The following TNNC2 variants were observed in gnomAD, a reference collection of about 807,000 sequenced individuals.
TNNC2 encodes the protein troponin C2, fast skeletal type, also known as troponin C, skeletal muscle.
Under a neutral mutation model 20.0 loss-of-function variants are expected in TNNC2, and 14 were observed. The observed-to-expected ratio is 0.70, with a 90% CI of 0.46 to 1.09. The LOEUF is 1.09. TNNC2 is among the 50% of genes least tolerant of loss of function. TNNC2 has a pLI of 0.00. For synonymous variants in TNNC2, 81 were observed against 77.3 expected, an observed-to-expected ratio of 1.05 and a Z score of -0.25; for missense variants, 163 against 223.8, an observed-to-expected ratio of 0.73 and a Z score of 1.73.
Position 45,823,451 on chromosome 20 carries a change from CA to C in TNNC2, c.452-73del. 1 of 1,442,166 alleles carries C rather than the reference CA, an allele frequency of 6.9e-7. No homozygotes were observed. The highest frequency in any genetic ancestry group is 9.4e-7 in the Non-Finnish European group (1 of 1,058,362). 89.3% of individuals were successfully genotyped at this position (1,442,166 alleles called of 1,614,324 possible). A position where few individuals can be genotyped will look rare whatever the true frequency, so the allele number is the denominator to read the frequency against. ...AGAGGCCAGGCCAGGGCTCCAGCCA[CA>C]CAGAGGGGATGACTTTTTGTTTTTG... On this transcript the variant is annotated intron_variant, in intron 5 of 5. Transcript: ENST00000372555. This position sits in a 1 kb window ranked among gnomAD's most constrained non-coding sequence, Gnocchi z 4.6.
Position 45,824,279 on chromosome 20 carries a change from GC to G in TNNC2, c.314+12del. On this transcript the variant is annotated intron_variant, in intron 4 of 5. Transcript: ENST00000372555. ...GCTAAGCCCCTCCCTCGGCTCCCGGGCCCCCAGCGCACCTGTCGAAGATGCG... is the reference window on the plus strand; with the variant it reads ...GCTAAGCCCCTCCCTCGGCTCCCGGGCCCCAGCGCACCTGTCGAAGATGCG... The G allele has an allele frequency of 1.9e-6, 3 of 1,608,630 alleles. No individual in the cohort carries two copies.
At chr20:45,826,022 G>T (rs1465236744) in intron 1 of TNNC2, among the ~76,000 whole-genome samples, 1 of 71,796 alleles carries the variant, frequency 1.4e-5, no homozygotes, top group African/African-American at 6.9e-5. Flanking sequence ...CCACCCCCCA[G>T]TGACCTTAGG....
chr20:45,832,939 C>T (rs1055837688), intron 2 of TNNC2, among the ~76,000 whole-genome samples: 3 of 152,182 alleles, frequency 2.0e-5, no homozygotes, highest in Admixed American at 1.3e-4. Flanking sequence ...CCCAGGAATT[C>T]GAGACCAGCC....
In TNNC2 at chr20:45,827,242, T is replaced by C. The variant is rs1238104112; in HGVS notation, c.3+4A>G. The C allele has an allele frequency of 6.2e-7, 1 of 1,614,144 alleles. No homozygotes were observed. Among genetic ancestry groups the C allele is most frequent in the South Asian group, 1.1e-5 (1 of 91,082 alleles). On this transcript the variant is annotated splice_donor_region_variant and intron_variant, in intron 1 of 5. Transcript: ENST00000372555. The stretch of plus-strand genomic sequence containing the variant: ...AAAGGCACAAAGTCCCCTCTTGTCC[T>C]TACCATGGTTGCTGGTGACCGGGAC...
rs1286101322 is a variant in TNNC2, at chr20:45,823,612, C to T, written c.452-233G>A. 6.6e-6 allele frequency among the ~76,000 whole-genome samples: 1 copy of T among 152,098 alleles called. No homozygotes were observed. Among genetic ancestry groups the T allele is most frequent in the Non-Finnish European group, 1.5e-5 (1 of 68,012 alleles). The stretch of plus-strand genomic sequence containing the variant: ...TCAAGCGATCCTCTTACCTCAGCCC[C>T]CGGAGCAACTGGGACCACAGGTGTG... On this transcript the variant is annotated intron_variant, in intron 5 of 5. Transcript: ENST00000372555. The surrounding 1 kb of genome is among the most constrained non-coding windows in gnomAD (Gnocchi z 4.6).
chr20:45,832,811 C>T (rs895694176), intron 2 of TNNC2, among the ~76,000 whole-genome samples: 2 of 152,228 alleles, frequency 1.3e-5, no homozygotes, highest in South Asian at 4.1e-4. Flanking sequence ...AGCTGGGGAG[C>T]CACTGAGATT....
chr20:45,827,310 G>A lies in TNNC2; in HGVS notation c.-62C>T. The A allele has an allele frequency of 1.9e-6, 3 of 1,612,952 alleles. No homozygotes were observed. The highest frequency in any genetic ancestry group is 1.7e-6 in the Non-Finnish European group (2 of 1,179,204). On this transcript the variant is annotated 5_prime_UTR_variant, in exon 1 of 6. Transcript: ENST00000372555. ...CCTCCTTTGCACTCCACCACCCAAA[G>A]ATGACCTGGCCTGCTCTAGCCCCCG...
At chr20:45,832,096 G>A (rs1054825222), upstream of TNNC2, among the ~76,000 whole-genome samples, 8 of 152,198 alleles carry the variant, frequency 5.3e-5, no homozygotes, top group Non-Finnish European at 1.0e-4. Context: ...TGGATCACTT[G>A]AGGCCAGGTG....
chr20:45,823,915 C>A lies in TNNC2; in HGVS notation c.451+76G>T. ...CCAGCCCACAAGGCCAAGGACACTG[C>A]ACCGGAGCCAGGCACCAGTGCCCGC... On this transcript the variant is annotated intron_variant, in intron 5 of 5. Coordinates refer to ENST00000372555, the MANE Select transcript of TNNC2 (RefSeq NM_003279.3). This position sits in a 1 kb window ranked among gnomAD's most constrained non-coding sequence, Gnocchi z 4.6. The A allele has an allele frequency of 6.2e-7, 1 of 1,600,334 alleles. No individual in the cohort carries two copies. The highest frequency in any genetic ancestry group is 8.5e-7 in the Non-Finnish European group (1 of 1,172,626).
chr20:45,830,310 T>C (rs1983077434), upstream of TNNC2, among the ~76,000 whole-genome samples: 1 of 120,970 alleles, frequency 8.3e-6, no homozygotes. Flanking sequence ...CTCTCCAGCC[T>C]GGGCGACAAA....
Position 45,823,238 on chromosome 20 carries a change from T to C in TNNC2, c.*110A>G. The C allele has an allele frequency of 7.3e-6, 8 of 1,088,700 alleles. No individual in the cohort carries two copies. Among genetic ancestry groups the C allele is most frequent in the Middle Eastern group, 4.8e-4 (2 of 4,168 alleles). 67.4% of individuals were successfully genotyped at this position (1,088,700 alleles called of 1,614,324 possible). Reference sequence around the variant, plus strand: ...GTTTTGGAACATTTGCTTTTATTCCTTCCAGACAAAGACCCACAAGGGGTC... The same window carrying C: ...GTTTTGGAACATTTGCTTTTATTCCCTCCAGACAAAGACCCACAAGGGGTC... On this transcript the variant is annotated 3_prime_UTR_variant, in exon 6 of 6. Coordinates refer to ENST00000372555, the MANE Select transcript of TNNC2 (RefSeq NM_003279.3). The surrounding 1 kb of genome is among the most constrained non-coding windows in gnomAD (Gnocchi z 4.6).
At chr20:45,830,473 T>C (rs1158902208), upstream of TNNC2, among the ~76,000 whole-genome samples, 1 of 152,078 alleles carries the variant, frequency 6.6e-6, no homozygotes, top group Admixed American at 6.6e-5. Context: ...ATCATCTTTC[T>C]AAGCTCTAAC....
Position 45,825,697 on chromosome 20 carries a change from C to T in TNNC2, c.4-863G>A, listed in dbSNP as rs931373493. Reference sequence around the variant, plus strand: ...TGGCACGATCTCAGCTCGCCACAACCGCAACCCCCACCTCCGGGGTTCAAG... The same window carrying T: ...TGGCACGATCTCAGCTCGCCACAACTGCAACCCCCACCTCCGGGGTTCAAG... On this transcript the variant is annotated intron_variant, in intron 1 of 5. Transcript: ENST00000372555. Among the ~76,000 whole-genome samples the T allele has an allele frequency of 1.1e-4, 16 of 148,334 alleles. No homozygotes were observed. In the Middle Eastern group the frequency reaches 0.012, roughly 109 times the overall value.
intron 1 of TNNC2, among the ~76,000 whole-genome samples, chr20:45,825,349 T>C (rs921679163): frequency 2.0e-5 from 3 of 152,160 alleles, no homozygotes; most frequent in African/African-American, 7.2e-5. Context: ...TGGAGTGCAA[T>C]GGCGTGATCT....
intron 2 of TNNC2, 68 bp from the exon 3 acceptor site, chr20:45,824,706 A>ACCCCCCCCCCCCCCCCCCCCCCC: frequency 1.7e-6 from 1 of 589,498 alleles, no homozygotes; most frequent in Non-Finnish European, 2.4e-6. Context: ...ACCCCCCCCC[A>ACCCCCCCCCCCCCCCCCCCCCCC]ACCCCCACCC....
Position 45,824,639 on chromosome 20 carries a change from C to A in TNNC2, c.56-1G>T. The stretch of plus-strand genomic sequence containing the variant: ...AACATGTCAAAGGCAGCCTTGAACT[C>A]TGCGAGGGAGGGCAGAGGGCAGAGG... On this transcript the variant is annotated splice_acceptor_variant, in intron 2 of 5. Transcript: ENST00000372555. LOFTEE classifies it high-confidence loss of function. 1 of 1,608,974 alleles carries A rather than the reference C, an allele frequency of 6.2e-7. No individual in the cohort carries two copies. Among genetic ancestry groups the A allele is most frequent in the South Asian group, 1.1e-5 (1 of 91,058 alleles).
At chr20:45,828,965 T>G (rs1432340072), upstream of TNNC2, among the ~76,000 whole-genome samples, 1 of 152,010 alleles carries the variant, frequency 6.6e-6, no homozygotes, top group Non-Finnish European at 1.5e-5. Flanking sequence ...AATTTAGTTT[T>G]TATTGTTTTT....
At chr20:45,824,438 G>A in intron 3 of TNNC2, 32 bp from the exon 4 acceptor site, 1 of 1,611,198 alleles carries the variant, frequency 6.2e-7, no homozygotes, top group Non-Finnish European at 8.5e-7. Flanking sequence ...CTGAGCCTGA[G>A]CCCAGCCGCT....
upstream of TNNC2, among the ~76,000 whole-genome samples, chr20:45,827,747 T>A (rs1352264674): frequency 6.6e-6 from 1 of 152,140 alleles, no homozygotes; most frequent in Non-Finnish European, 1.5e-5. Context: ...CATTTCTTCA[T>A]CTGTGGGATT....
Sources: allele counts gnomAD v4.1 joint callset (sites outside exome capture counted in the v4.1 genomes callset), GRCh38; gene constraint gnomAD v4.1.1; non-coding constraint Gnocchi (gnomAD v3.1); transcripts MANE v1.5; gene names NCBI Gene and HGNC (gene_info 2026-07-23, HGNC 2026-07-21).